Variants in B4GALT5 observed in about 807,000 individuals in gnomAD.
The protein encoded by B4GALT5 is UDP-Gal:beta-GlcNAc beta-1,4-galactosyltransferase 5.
Under a neutral mutation model 45.0 loss-of-function variants are expected in B4GALT5, and 11 were observed. The observed-to-expected ratio is 0.24, with a 90% CI of 0.15 to 0.40. B4GALT5 has a LOEUF of 0.40. B4GALT5 is among the 10% of genes least tolerant of loss of function. The pLI is 1.00. For missense variants in B4GALT5, 337 were observed against 500.2 expected, an observed-to-expected ratio of 0.67 and a Z score of 3.11; for synonymous variants, 185 against 182.9, an observed-to-expected ratio of 1.01 and a Z score of -0.09.
chr20:49,639,641 GCATTT>G, intron 7 of B4GALT5, 32 bp downstream of exon 7: 1 of 1,609,782 alleles, frequency 6.2e-7, no homozygotes, highest in Admixed American at 1.7e-5. Flanking sequence ...GTCTAAGGTA[GCATTT>G]CTAGAAGACA....
Position 49,633,846 on chromosome 20 carries a change from T to C in B4GALT5, c.*2466A>G, listed in dbSNP as rs925878689. 5.2e-5 allele frequency: 8 copies of C among 152,534 alleles called. No homozygotes were observed. Among genetic ancestry groups the C allele is most frequent in the Admixed American group, 1.3e-4 (2 of 15,286 alleles). 9.4% of individuals were successfully genotyped at this position (152,534 alleles called of 1,614,324 possible). A position where few individuals can be genotyped will look rare whatever the true frequency, so the allele number is the denominator to read the frequency against. On this transcript the variant is annotated 3_prime_UTR_variant, in exon 9 of 9. Transcript: ENST00000371711. Reference sequence around the variant, plus strand: ...CAAATGACATCATAGTGTTGTCACATTGAAAGCAACTCACAGCCTTCAGTG... The same window carrying C: ...CAAATGACATCATAGTGTTGTCACACTGAAAGCAACTCACAGCCTTCAGTG...
chr20:49,679,290 C>T (rs1451807352), intron 1 of B4GALT5, among the ~76,000 whole-genome samples: 1 of 152,128 alleles, frequency 6.6e-6, no homozygotes, highest in Non-Finnish European at 1.5e-5. Context: ...TTCGCAATCA[C>T]CAGTCCTAAA....
At chr20:49,707,719 A>T (rs1338293287) in intron 1 of B4GALT5, among the ~76,000 whole-genome samples, 1 of 152,044 alleles carries the variant, frequency 6.6e-6, no homozygotes, top group Non-Finnish European at 1.5e-5. Context: ...GGCTCAGGTG[A>T]TCTTCTGACC....
chr20:49,660,912 A>G (rs1349533611), intron 1 of B4GALT5, among the ~76,000 whole-genome samples: 1 of 152,202 alleles, frequency 6.6e-6, no homozygotes, highest in Non-Finnish European at 1.5e-5. Flanking sequence ...GTGAACCATG[A>G]TCGTGCCACT....
chr20:49,658,461 C>A (rs981674616), intron 1 of B4GALT5, among the ~76,000 whole-genome samples: 1 of 152,220 alleles, frequency 6.6e-6, no homozygotes, highest in Non-Finnish European at 1.5e-5. Context: ...TTCATCCCAA[C>A]ATATTACTAA....
At chr20:49,689,769 C>T (rs933796809) in intron 1 of B4GALT5, among the ~76,000 whole-genome samples, 1 of 152,260 alleles carries the variant, frequency 6.6e-6, no homozygotes. Flanking sequence ...AATGCACATA[C>T]CTGTGTAATC....
chr20:49,651,992 T>C (rs1279317485), intron 2 of B4GALT5, among the ~76,000 whole-genome samples: 5 of 152,056 alleles, frequency 3.3e-5, no homozygotes, highest in Non-Finnish European at 5.9e-5. Flanking sequence ...GGCAGGAGAA[T>C]CACTTGAATC....
chr20:49,673,177 C>T (rs1376853252), intron 1 of B4GALT5, among the ~76,000 whole-genome samples: 3 of 151,992 alleles, frequency 2.0e-5, no homozygotes, highest in Admixed American at 6.6e-5. Context: ...GTCAGGAGTT[C>T]GAGACCAGCC....
At chr20:49,655,394 T>C (rs1431815746) in intron 2 of B4GALT5, among the ~76,000 whole-genome samples, 1 of 151,816 alleles carries the variant, frequency 6.6e-6, no homozygotes, top group East Asian at 1.9e-4. Flanking sequence ...TTAACACCAC[T>C]GCACTCCAGC....
chr20:49,687,689 C>T (rs1179710733), intron 1 of B4GALT5, among the ~76,000 whole-genome samples: 1 of 151,956 alleles, frequency 6.6e-6, no homozygotes, highest in African/African-American at 2.4e-5. Flanking sequence ...AATTTATTTT[C>T]GATTCCCTAT....
rs535884894 is a variant in B4GALT5 at position 49,633,811 on chromosome 20, C to T, written c.*2501G>A. Reference sequence around the variant, plus strand: ...AGGACTCAGAATCAGTCTGTCCTGGCAAATCCTTCCAAATGACATCATAGT... The same window carrying T: ...AGGACTCAGAATCAGTCTGTCCTGGTAAATCCTTCCAAATGACATCATAGT... On this transcript the variant is annotated 3_prime_UTR_variant, in exon 9 of 9. Coordinates refer to ENST00000371711, the MANE Select transcript of B4GALT5 (RefSeq NM_004776.4). 2.0e-5 allele frequency: 3 copies of T among 152,688 alleles called. No homozygotes were observed. In the East Asian group the frequency reaches 5.8e-4, roughly 29 times the overall value. 9.5% of individuals were successfully genotyped at this position (152,688 alleles called of 1,614,324 possible).
intron 8 of B4GALT5, among the ~76,000 whole-genome samples, chr20:49,636,754 CAG>C (rs921977446): frequency 5.9e-5 from 9 of 152,240 alleles, no homozygotes; most frequent in African/African-American, 2.2e-4. Flanking sequence ...TGCCCAAGGT[CAG>C]AGAGTGGGGA....
intron 1 of B4GALT5, among the ~76,000 whole-genome samples, chr20:49,702,778 C>T (rs891210347): frequency 1.3e-5 from 2 of 151,882 alleles, no homozygotes; most frequent in African/African-American, 4.8e-5. Flanking sequence ...CTACTTGAGC[C>T]TGAGAGGTTG....
At chr20:49,689,142 T>C (rs77800904) in intron 1 of B4GALT5, among the ~76,000 whole-genome samples, 1 of 152,258 alleles carries the variant, frequency 6.6e-6, no homozygotes, top group South Asian at 2.1e-4. Flanking sequence ...TAGGTATCCA[T>C]TGGATGATAC....
At chr20:49,687,871 G>A (rs536581501) in intron 1 of B4GALT5, among the ~76,000 whole-genome samples, 1 of 150,176 alleles carries the variant, frequency 6.7e-6, no homozygotes, top group Non-Finnish European at 1.5e-5. Flanking sequence ...CCAACAGCCA[G>A]AGAAAATTAA....
At chr20:49,699,249 C>T (rs1425812734) in intron 1 of B4GALT5, among the ~76,000 whole-genome samples, 1 of 149,236 alleles carries the variant, frequency 6.7e-6, no homozygotes, top group Admixed American at 6.9e-5. Context: ...CAGTGCAAGA[C>T]AAACCATTAA....
intron 1 of B4GALT5, among the ~76,000 whole-genome samples, chr20:49,701,839 C>G (rs894727744): frequency 1.3e-5 from 2 of 151,754 alleles, no homozygotes; most frequent in African/African-American, 4.8e-5. Flanking sequence ...CTTTGGGAAG[C>G]CAAGACAGGT....
chr20:49,699,534 T>C (rs1007426505), intron 1 of B4GALT5, among the ~76,000 whole-genome samples: 4 of 152,192 alleles, frequency 2.6e-5, no homozygotes, highest in African/African-American at 9.7e-5. Flanking sequence ...AATTCCCCAG[T>C]GGGTGCCTGA....
At position 49,693,074 on chromosome 20, in the gene B4GALT5, A is replaced by G. The variant is rs6122809; in HGVS notation, c.115+20502T>C. Among the ~76,000 whole-genome samples the G allele has an allele frequency of 7.4e-3, 1,120 of 152,340 alleles. 78 individuals are homozygous for G. In the East Asian group the frequency reaches 0.17, roughly 24 times the overall value. Reference sequence around the variant, plus strand: ...CTACGAATAATAGGCTATACCATACAGCCAAGGGGTGTAATAGGCTATACC... The same window carrying G: ...CTACGAATAATAGGCTATACCATACGGCCAAGGGGTGTAATAGGCTATACC... On this transcript the variant is annotated intron_variant, in intron 1 of 8. Coordinates refer to ENST00000371711, the MANE Select transcript of B4GALT5 (RefSeq NM_004776.4).
Sources: gnomAD v4.1 joint callset for allele counts (sites outside exome capture counted in the v4.1 genomes callset) on GRCh38, gnomAD v4.1.1 for gene constraint, MANE v1.5 for transcripts, NCBI Gene and HGNC (gene_info 2026-07-23, HGNC 2026-07-21) for gene names.